The following LOC400499 variants were observed in gnomAD, a reference collection of about 807,000 sequenced individuals.
At chr16:11,502,341 G>A in the LOC400499 span, among the ~76,000 whole-genome samples, 1 of 152,144 alleles carries the variant, frequency 6.6e-6, no homozygotes, top group African/African-American at 2.4e-5. Flanking sequence ...GAAGCTCCAG[G>A]TCTGGCTTCT....
At chr16:11,418,306 C>T in the LOC400499 span, among the ~76,000 whole-genome samples, 1 of 152,086 alleles carries the variant, frequency 6.6e-6, no homozygotes, top group Non-Finnish European at 1.5e-5. Flanking sequence ...GGCTGCATTC[C>T]CAGGAGGTCA....
At chr16:11,486,459 G>C in the LOC400499 span, among the ~76,000 whole-genome samples, 1 of 136,444 alleles carries the variant, frequency 7.3e-6, no homozygotes, top group African/African-American at 2.9e-5. Flanking sequence ...TGGTACATGG[G>C]TAGACAGATG....
the LOC400499 span, chr16:11,391,868 A>T: frequency 8.3e-7 from 1 of 1,206,704 alleles, no homozygotes. Context: ...GCACCTGGAC[A>T]GGGAAACCGA....
chr16:11,380,042 C>G, the LOC400499 span, among the ~76,000 whole-genome samples: 1 of 152,186 alleles, frequency 6.6e-6, no homozygotes, highest in Non-Finnish European at 1.5e-5. Flanking sequence ...AATGTAACCT[C>G]AAGCCCCTGG....
chr16:11,398,507 C>T, the LOC400499 span: 2 of 1,232,080 alleles, frequency 1.6e-6, no homozygotes, highest in Admixed American at 4.2e-5. Context: ...ATGGCCAATG[C>T]CTCTGGAATG....
the LOC400499 span, among the ~76,000 whole-genome samples, chr16:11,389,760 AG>A: frequency 6.6e-6 from 1 of 151,710 alleles, no homozygotes; most frequent in African/African-American, 2.4e-5. Context: ...GGCCTGCTTA[AG>A]ATGCGACTCT....
At chr16:11,416,890 T>A in the LOC400499 span, among the ~76,000 whole-genome samples, 1 of 151,950 alleles carries the variant, frequency 6.6e-6, no homozygotes, top group African/African-American at 2.4e-5. Context: ...TGAGGTCAGA[T>A]GGGGGAAGGG....
chr16:11,519,365 G>T, the LOC400499 span, among the ~76,000 whole-genome samples: 1 of 152,106 alleles, frequency 6.6e-6, no homozygotes, highest in Non-Finnish European at 1.5e-5. Flanking sequence ...ATGAGTGGAG[G>T]GTGGGGAGGG....
At chr16:11,391,687 G>GCTCCAGCCCCACCTGCAGCCA in the LOC400499 span, 4 of 1,232,216 alleles carry the variant, frequency 3.2e-6, no homozygotes, top group Non-Finnish European at 4.0e-6. Context: ...TCCCGCAGCT[G>GCTCCAGCCCCACCTGCAGCCA]CTCCAGCCCC....
chr16:11,463,243 G>A, the LOC400499 span, among the ~76,000 whole-genome samples: 1 of 142,956 alleles, frequency 7.0e-6, no homozygotes, highest in Non-Finnish European at 1.5e-5. Context: ...CCGCCAACCT[G>A]TAGGCTCCCC....
chr16:11,485,130 GA>G, the LOC400499 span: 1 of 398,616 alleles, frequency 2.5e-6, no homozygotes, highest in African/African-American at 2.1e-5. Context: ...GGGTGATGAT[GA>G]GCTGTTAGGC....
At chr16:11,460,875 G>A in the LOC400499 span, 21 of 1,415,760 alleles carry the variant, frequency 1.5e-5, no homozygotes, top group African/African-American at 1.2e-4. Flanking sequence ...TGGTGACAGC[G>A]TATCTCAGCT....
chr16:11,393,400 G>T, the LOC400499 span: 1 of 1,232,266 alleles, frequency 8.1e-7, no homozygotes, highest in East Asian at 3.2e-5. Context: ...CCCTCCTCAT[G>T]GGCCACAGAG....
chr16:11,471,338 C>T, the LOC400499 span: 1 of 215,404 alleles, frequency 4.6e-6, no homozygotes, highest in African/African-American at 2.3e-5. Context: ...AGAAACAGAA[C>T]TGATTAAAAG....
At chr16:11,448,928 G>A in the LOC400499 span, 1 of 1,480,118 alleles carries the variant, frequency 6.8e-7, no homozygotes, top group Non-Finnish European at 9.1e-7. Context: ...CCCACTCCAG[G>A]TGCCTGTAGG....
At chr16:11,406,234 A>G in the LOC400499 span, among the ~76,000 whole-genome samples, 4 of 152,074 alleles carry the variant, frequency 2.6e-5, no homozygotes, top group African/African-American at 9.7e-5. Flanking sequence ...TGTGTATTCA[A>G]TGTTTAGCTC....
At chr16:11,418,231 G>C in the LOC400499 span, among the ~76,000 whole-genome samples, 1 of 152,176 alleles carries the variant, frequency 6.6e-6, no homozygotes, top group East Asian at 1.9e-4. Flanking sequence ...GTTTGTCAGA[G>C]GCATTTGAAC....
chr16:11,417,666 G>A, the LOC400499 span: 35 of 399,190 alleles, frequency 8.8e-5, no homozygotes, highest in South Asian at 1.3e-4. Flanking sequence ...GGCAGGCCTC[G>A]CCTGGGAACC....
the LOC400499 span, among the ~76,000 whole-genome samples, chr16:11,511,324 C>T: frequency 1.3e-5 from 2 of 152,070 alleles, no homozygotes; most frequent in African/African-American, 2.4e-5. Context: ...TTCCCCATAA[C>T]CTATGGGGTA....
Sources: allele counts gnomAD v4.1 joint callset (sites outside exome capture counted in the v4.1 genomes callset), GRCh38; gene constraint gnomAD v4.1.1; transcripts MANE v1.5.